MSI2: variants seen among roughly 807,000 people sequenced by gnomAD.
MSI2 encodes RNA-binding protein Musashi homolog 2.
MSI2 carries 17 observed loss-of-function variants against 45.6 expected under a neutral mutation model. The ratio of observed to expected loss-of-function variants is 0.37; its 90% confidence interval spans 0.26 to 0.56. The LOEUF is 0.56. Among genes scored for constraint, MSI2 ranks in the 20% least tolerant of loss-of-function variants. MSI2 has a pLI of 0.77. For synonymous variants in MSI2, 156 were observed against 158.2 expected, an observed-to-expected ratio of 0.99 and a Z score of 0.11; for missense variants, 293 against 444.2, an observed-to-expected ratio of 0.66 and a Z score of 3.06.
intron 7 of MSI2, among the ~76,000 whole-genome samples, chr17:57,560,224 T>C (rs1199298455): frequency 2.6e-5 from 4 of 152,234 alleles, no homozygotes; most frequent in Non-Finnish European, 5.9e-5. Flanking sequence ...CTTGCCCTGC[T>C]AGCTGGCTTT....
intron 5 of MSI2, among the ~76,000 whole-genome samples, chr17:57,385,923 C>T (rs1008184731): frequency 3.3e-5 from 5 of 152,112 alleles, no homozygotes; most frequent in South Asian, 4.2e-4. Context: ...GGGCACAGAA[C>T]GAAATCTTGT....
chr17:57,599,047 G>A (rs1276499001), intron 8 of MSI2, among the ~76,000 whole-genome samples: 1 of 152,224 alleles, frequency 6.6e-6, no homozygotes, highest in Non-Finnish European at 1.5e-5. Context: ...ATCCTAGCCA[G>A]AGCACGCCAT....
At position 57,589,914 on chromosome 17, in the gene MSI2, C is replaced by T. The variant is rs8080275; in HGVS notation, c.455-6954C>T. On this transcript the variant is annotated intron_variant, in intron 7 of 13. Coordinates refer to ENST00000284073, the MANE Select transcript of MSI2 (RefSeq NM_138962.4). The stretch of plus-strand genomic sequence containing the variant: ...GAGTTGCCTTGGGGACCAGGTAGGA[C>T]GATGGATGAAAAGGATTTTCAAACC... Among the ~76,000 whole-genome samples the T allele has an allele frequency of 5.8e-3, 890 of 152,314 alleles. 8 individuals carry two copies. Among genetic ancestry groups the T allele is most frequent in the African/African-American group, 0.021 (852 of 41,552 alleles).
chr17:57,484,675 TTGG>T, intron 6 of MSI2, among the ~76,000 whole-genome samples: 1 of 152,304 alleles, frequency 6.6e-6, no homozygotes, highest in East Asian at 1.9e-4. Flanking sequence ...TGCTGAGTGC[TTGG>T]ACCCTCTGTG....
chr17:57,446,898 G>T (rs2084910475), intron 6 of MSI2, among the ~76,000 whole-genome samples: 1 of 152,204 alleles, frequency 6.6e-6, no homozygotes, highest in African/African-American at 2.4e-5. Flanking sequence ...GCTGGGGTCA[G>T]GTTGGGGCAC....
At chr17:57,378,352 C>T (rs1356152763) in intron 5 of MSI2, among the ~76,000 whole-genome samples, 1 of 152,136 alleles carries the variant, frequency 6.6e-6, no homozygotes, top group South Asian at 2.1e-4. Context: ...CAACCTCCGC[C>T]TCCCGGGTTG....
At chr17:57,343,741 A>G (rs912790991) in intron 5 of MSI2, among the ~76,000 whole-genome samples, 2 of 152,110 alleles carry the variant, frequency 1.3e-5, no homozygotes, top group African/African-American at 4.8e-5. Flanking sequence ...GGTTTTTTTG[A>G]TGACTCTTTC....
intron 7 of MSI2, among the ~76,000 whole-genome samples, chr17:57,573,351 A>C (rs1198862570): frequency 6.6e-6 from 1 of 152,148 alleles, no homozygotes; most frequent in East Asian, 1.9e-4. Flanking sequence ...GCCCTCCTAC[A>C]TTATCACTCA....
intron 10 of MSI2, chr17:57,632,376 T>C: frequency 9.4e-7 from 1 of 1,066,314 alleles, no homozygotes; most frequent in East Asian, 5.0e-5. Flanking sequence ...AAACACTATC[T>C]GACTATCTTT....
chr17:57,589,196 G>A (rs546610133), intron 7 of MSI2, among the ~76,000 whole-genome samples: 45 of 152,188 alleles, frequency 3.0e-4, no homozygotes, highest in African/African-American at 9.6e-4. Context: ...GTCTGAAAAC[G>A]CCCAGGAACC....
chr17:57,342,248 G>GGTCC (rs1915231990), intron 5 of MSI2, among the ~76,000 whole-genome samples: 1 of 152,152 alleles, frequency 6.6e-6, no homozygotes, highest in Non-Finnish European at 1.5e-5. Flanking sequence ...ACACCTCTTT[G>GGTCC]ATACATGGAC....
intron 7 of MSI2, among the ~76,000 whole-genome samples, chr17:57,551,645 C>T (rs775452150): frequency 1.8e-4 from 28 of 152,112 alleles, no homozygotes; most frequent in Admixed American, 6.5e-4. Context: ...CATGCCCCAC[C>T]GCCCTTCCCC....
intron 5 of MSI2, among the ~76,000 whole-genome samples, chr17:57,271,744 CTTTTT>C (rs60803369): frequency 8.0e-4 from 86 of 107,584 alleles, no homozygotes; most frequent in African/African-American, 1.8e-3. Context: ...CCACTGCAAT[CTTTTT>C]TTTTTTTTTT....
At chr17:57,353,703 T>C (rs1351995736) in intron 5 of MSI2, among the ~76,000 whole-genome samples, 1 of 152,184 alleles carries the variant, frequency 6.6e-6, no homozygotes, top group African/African-American at 2.4e-5. Flanking sequence ...TTAGTCTGAT[T>C]ATAATTTTTT....
intron 7 of MSI2, among the ~76,000 whole-genome samples, chr17:57,587,502 C>A (rs1904407382): frequency 6.6e-6 from 1 of 152,172 alleles, no homozygotes; most frequent in African/African-American, 2.4e-5. Flanking sequence ...CTGATAGTGC[C>A]ATTTCTGTTA....
At chr17:57,258,218 C>G (rs1906997042) in intron 3 of MSI2, 52 bp from the exon 4 acceptor site, 1 of 1,548,584 alleles carries the variant, frequency 6.5e-7, no homozygotes, top group Non-Finnish European at 8.9e-7. Context: ...TGGTTGCTTT[C>G]AATGGTGTCA....
At chr17:57,696,207 A>T in the MSI2 span, among the ~76,000 whole-genome samples, 1 of 152,170 alleles carries the variant, frequency 6.6e-6, no homozygotes, top group Non-Finnish European at 1.5e-5. Context: ...AGGAAGAAGG[A>T]TGTCCTTCCT....
chr17:57,268,665 G>A (rs1464436553), intron 5 of MSI2: 5 of 152,010 alleles, frequency 3.3e-5, no homozygotes, highest in African/African-American at 9.7e-5. Flanking sequence ...GTGAAACCCC[G>A]TCTCTACTAA....
chr17:57,648,783 T>G (rs935636940), intron 10 of MSI2, among the ~76,000 whole-genome samples: 3 of 152,090 alleles, frequency 2.0e-5, no homozygotes, highest in South Asian at 2.1e-4. Context: ...CCAAGCACTC[T>G]CTGCTAAGGC....
Sources: gnomAD v4.1 joint callset for allele counts (sites outside exome capture counted in the v4.1 genomes callset) on GRCh38, gnomAD v4.1.1 for gene constraint, MANE v1.5 for transcripts, NCBI Gene and HGNC (gene_info 2026-07-23, HGNC 2026-07-21) for gene names.